The following KIF26B variants were observed in gnomAD, a reference collection of about 807,000 sequenced individuals.
KIF26B encodes kinesin family member 26B.
In KIF26B, 63 loss-of-function variants were observed where a neutral mutation model predicts 151.2. That is an observed-to-expected ratio of 0.42 (90% CI 0.34 to 0.51). The LOEUF (loss-of-function observed/expected upper bound fraction) is 0.51. Among genes scored for constraint, KIF26B ranks in the 20% least tolerant of loss-of-function variants. The pLI, the probability that KIF26B is intolerant of heterozygous loss-of-function variation, is 0.07. For synonymous variants in KIF26B, 1,357 were observed against 1,262.1 expected (o/e 1.08, Z -1.59); for missense variants, 2,813 against 2,913.6 (o/e 0.97, Z 0.79).
intron 10 of KIF26B, among the ~76,000 whole-genome samples, chr1:245,683,991 A>C (rs1442763410): frequency 1.3e-5 from 2 of 152,226 alleles, no homozygotes; most frequent in Non-Finnish European, 2.9e-5. Flanking sequence ...CATCACAGCC[A>C]GGACAGAAGC....
intron 2 of KIF26B, among the ~76,000 whole-genome samples, chr1:245,201,942 C>T (rs914954909): frequency 6.6e-6 from 1 of 152,120 alleles, no homozygotes; most frequent in African/African-American, 2.4e-5. Flanking sequence ...TAAAGTTGCC[C>T]TTGCTTAGGT....
chr1:245,643,514 T>C (rs1180584608), intron 9 of KIF26B, among the ~76,000 whole-genome samples: 1 of 152,220 alleles, frequency 6.6e-6, no homozygotes, highest in Non-Finnish European at 1.5e-5. Flanking sequence ...CTGACTTTTG[T>C]GTTATTGCTA....
chr1:245,171,219 C>T (rs527281880), intron 2 of KIF26B, among the ~76,000 whole-genome samples: 1 of 152,186 alleles, frequency 6.6e-6, no homozygotes, highest in Non-Finnish European at 1.5e-5. Context: ...TATATCTCTT[C>T]AGCACATCGT....
rs531847152 is a variant in KIF26B at position 245,157,031 on chromosome 1, C to T, written c.465+348C>T. 7.9e-5 allele frequency among the ~76,000 whole-genome samples: 12 copies of T among 152,234 alleles called. No homozygotes were observed. In the South Asian group the frequency reaches 2.3e-3, roughly 29 times the overall value. On this transcript the variant is annotated intron_variant, in intron 2 of 14. Coordinates refer to ENST00000407071, the MANE Select transcript of KIF26B (RefSeq NM_018012.4). ...GCTGCGCTTTCGATGTTTCTCCCCA[C>T]CCCCACCTGTGATCCTTTACAAAAA...
intron 4 of KIF26B, among the ~76,000 whole-genome samples, chr1:245,473,752 TC>T (rs1659967756): frequency 6.6e-6 from 1 of 151,912 alleles, no homozygotes; most frequent in Non-Finnish European, 1.5e-5. Flanking sequence ...AATTTCCAAG[TC>T]AATAACTGCT....
At chr1:245,380,313 A>T (rs1673376793) in intron 3 of KIF26B, among the ~76,000 whole-genome samples, 1 of 152,136 alleles carries the variant, frequency 6.6e-6, no homozygotes, top group South Asian at 2.1e-4. Flanking sequence ...AGAAAAAAAG[A>T]TTCCATATGA....
Position 245,365,513 on chromosome 1 carries a change from T to TCC in KIF26B, c.466-1315_466-1314dup, listed in dbSNP as rs528122828. On this transcript the variant is annotated intron_variant, in intron 2 of 14. Transcript: ENST00000407071. The stretch of plus-strand genomic sequence containing the variant: ...TCCTGCCCCGTCACTGCCTCACAAC[T>TCC]CCCCCCCACCAGCCTACAGCTCAGC... Among the ~76,000 whole-genome samples, 974 of 137,250 alleles carry TCC rather than the reference T, an allele frequency of 7.1e-3. 19 individuals carry two copies. Among genetic ancestry groups the TCC allele is most frequent in the African/African-American group, 0.029 (932 of 31,772 alleles). 90.0% of individuals were successfully genotyped at this position (137,250 alleles called of 152,430 possible). A position where few individuals can be genotyped will look rare whatever the true frequency, so the allele number is the denominator to read the frequency against.
rs1300215295 is a variant in KIF26B, at chr1:245,156,374, C to G, written c.156C>G (p.Ser52Arg). ...CATACGAGGAGTCGCGCGCCGGCAG[C>G]CGGCCCACTCCTGAGGGCGCGGGCT... Reference protein sequence around the residue: ...RKAYEESRAGSRPTPEGAGSA... With the variant: ...RKAYEESRAGRRPTPEGAGSA... The change falls in exon 2 of 15, where the codon AGC (serine) becomes AGG (arginine). Residue 52 changes from serine to arginine, a missense_variant. Ser to Arg is a moderately radical substitution (Grantham distance 110, BLOSUM62 -1). Around this residue, in one of 3 missense-constraint regions of KIF26B, gnomAD observed 676 missense variants for 688.1 expected, o/e 0.98. Coordinates refer to ENST00000407071, the MANE Select transcript of KIF26B (RefSeq NM_018012.4). 6.5e-7 allele frequency: 1 copy of G among 1,543,566 alleles called. No individual in the cohort carries two copies. The highest frequency in any genetic ancestry group is 2.0e-5 in the Admixed American group (1 of 50,784).
At chr1:245,301,145 T>C (rs1020787560) in intron 2 of KIF26B, among the ~76,000 whole-genome samples, 3 of 152,136 alleles carry the variant, frequency 2.0e-5, no homozygotes, top group Admixed American at 6.5e-5. Context: ...CACAAATGAA[T>C]TTAAACCTCA....
At chr1:245,284,377 C>T (rs577332573) in intron 2 of KIF26B, among the ~76,000 whole-genome samples, 3,181 of 96,838 alleles carry the variant, frequency 0.033, 58 homozygotes, top group East Asian at 0.13. Context: ...CTCCAGATAC[C>T]TGGAGTATTA....
rs894608625 is a variant in KIF26B, at chr1:245,707,645, G to C, written c.*5039G>C. On this transcript the variant is annotated 3_prime_UTR_variant, in exon 15 of 15. Transcript: ENST00000407071. Reference sequence around the variant, plus strand: ...AAGTCTGTTAGTGGAAACATGGGCTGGGGGATGGGGAGAGGACAGATAAAG... The same window carrying C: ...AAGTCTGTTAGTGGAAACATGGGCTCGGGGATGGGGAGAGGACAGATAAAG... The C allele has an allele frequency of 3.9e-5, 6 of 152,208 alleles. No individual in the cohort carries two copies. The highest frequency in any genetic ancestry group is 1.4e-4 in the African/African-American group (6 of 41,434). The allele number at this position is 152,208 out of a possible 1,614,324, so 9.4% of individuals were successfully genotyped here.
At chr1:245,294,961 C>T (rs1671313942) in intron 2 of KIF26B, among the ~76,000 whole-genome samples, 1 of 152,170 alleles carries the variant, frequency 6.6e-6, no homozygotes. Context: ...CTGTGCCCGG[C>T]TGGGTTCTTG....
At position 245,167,028 on chromosome 1, in the gene KIF26B, T is replaced by A. The variant is rs1668626786; in HGVS notation, c.465+10345T>A. Reference sequence around the variant, plus strand: ...TAAGTGTTATAGACCAGGTTACAGCTGAGGGACTATTTTGATTTTCCTTTT... The same window carrying A: ...TAAGTGTTATAGACCAGGTTACAGCAGAGGGACTATTTTGATTTTCCTTTT... On this transcript the variant is annotated intron_variant, in intron 2 of 14. Coordinates refer to ENST00000407071, the MANE Select transcript of KIF26B (RefSeq NM_018012.4). The surrounding 1 kb of genome is among the most constrained non-coding windows in gnomAD (Gnocchi z 4.2). Among the ~76,000 whole-genome samples the A allele has an allele frequency of 6.6e-6, 1 of 152,372 alleles. No individual in the cohort carries two copies. Among genetic ancestry groups the A allele is most frequent in the Non-Finnish European group, 1.5e-5 (1 of 68,046 alleles).
rs781369899 is a variant in KIF26B, at chr1:245,635,285, GTT to G, written c.2099-10835_2099-10834del. Among the ~76,000 whole-genome samples the G allele has an allele frequency of 1.3e-4, 20 of 152,054 alleles. No individual in the cohort carries two copies. The East Asian group carries it at 3.5e-3, about 27-fold the overall frequency. On this transcript the variant is annotated intron_variant, in intron 9 of 14. Coordinates refer to ENST00000407071, the MANE Select transcript of KIF26B (RefSeq NM_018012.4). ...GTCCTAGAGTTTTACCTGTGGAAAG[GTT>G]GTGAACTACAGATTCTATTTCTTTA... is the stretch of plus-strand genomic sequence containing the variant.
intron 4 of KIF26B, among the ~76,000 whole-genome samples, chr1:245,498,909 G>C (rs751780993): frequency 3.9e-5 from 6 of 152,156 alleles, no homozygotes; most frequent in Non-Finnish European, 7.3e-5. Context: ...ATGCAGTCAA[G>C]GAACTGGTGA....
chr1:245,199,239 G>A (rs1669254535), intron 2 of KIF26B, among the ~76,000 whole-genome samples: 1 of 152,014 alleles, frequency 6.6e-6, no homozygotes, highest in African/African-American at 2.4e-5. Context: ...CCTTACACTT[G>A]TTCCTGGTAG....
intron 3 of KIF26B, among the ~76,000 whole-genome samples, chr1:245,396,777 G>A (rs1364559517): frequency 6.6e-6 from 1 of 152,152 alleles, no homozygotes; most frequent in Non-Finnish European, 1.5e-5. Context: ...CAAGACATCT[G>A]TCCTTGACAC....
chr1:245,561,951 C>T (rs777960307), intron 5 of KIF26B, among the ~76,000 whole-genome samples: 8 of 152,090 alleles, frequency 5.3e-5, no homozygotes, highest in East Asian at 1.9e-4. Context: ...TTTCTGTGGC[C>T]TGATTTTCTT....
chr1:245,569,814 CCTTG>C (rs916312745), intron 5 of KIF26B, among the ~76,000 whole-genome samples: 1 of 150,100 alleles, frequency 6.7e-6, no homozygotes, highest in Admixed American at 6.6e-5. Context: ...CAAACAAACA[CCTTG>C]ATTGATGATC....
Sources: allele counts gnomAD v4.1 joint callset (sites outside exome capture counted in the v4.1 genomes callset), GRCh38; gene constraint gnomAD v4.1.1; regional missense constraint gnomAD v4.1.1; non-coding constraint Gnocchi (gnomAD v3.1); transcripts MANE v1.5; gene names NCBI Gene and HGNC (gene_info 2026-07-23, HGNC 2026-07-21).